Variants in NSUN5 observed in about 807,000 individuals in gnomAD.
The protein encoded by NSUN5 is NOP2/Sun RNA methyltransferase 5, also known as 28S rRNA (cytosine-C(5))-methyltransferase.
In NSUN5, 39 loss-of-function variants were observed where a neutral mutation model predicts 51.1. The ratio of observed to expected loss-of-function variants is 0.76; its 90% CI spans 0.59 to 1.00. The LOEUF (loss-of-function observed/expected upper bound fraction) is 1.00, where lower values mean the gene tolerates loss of function less well. Among genes scored for constraint, NSUN5 ranks in the 50% least tolerant of loss-of-function variants. The probability of loss-of-function intolerance (pLI) is 0.00; values close to 1 mark genes in which losing one functional copy is unlikely to be tolerated. For missense variants in NSUN5, 526 were observed against 614.0 expected, an observed-to-expected ratio of 0.86 and a Z score of 1.51; for synonymous variants, 266 against 271.5, an observed-to-expected ratio of 0.98 and a Z score of 0.20.
rs1362867416 is a variant in NSUN5 at position 73,308,513 on chromosome 7, C to G, written c.134G>C (p.Arg45Pro). Reference protein sequence around the residue: ...QLYALVCETQRYSAVLDAVIA... With the variant: ...QLYALVCETQPYSAVLDAVIA... Reference sequence around the variant, plus strand: ...CACAGCATCCAGCACGGCGGAGTAGCGCTGCGTTTCGCACACCAGCGCGTA... The same window carrying G: ...CACAGCATCCAGCACGGCGGAGTAGGGCTGCGTTTCGCACACCAGCGCGTA... Residue 45 changes from arginine (R) to proline (P), a missense_variant, in exon 2 of 10, where the codon CGC (arginine) becomes CCC (proline). Physicochemically the swap from Arg to Pro is moderately radical, Grantham distance 103. Transcript: ENST00000438747. 1 of 1,604,216 alleles carries G rather than the reference C, an allele frequency of 6.2e-7. No homozygotes were observed. Among genetic ancestry groups the G allele is most frequent in the Admixed American group, 1.7e-5 (1 of 59,858 alleles).
At chr7:73,308,588 TC>T in intron 1 of NSUN5, 35 bp from the exon 2 acceptor site, 2 of 1,588,748 alleles carry the variant, frequency 1.3e-6, no homozygotes, top group South Asian at 2.2e-5. Flanking sequence ...GGGTGGGGGC[TC>T]CCCCGGCCCT....
At position 73,303,070 on chromosome 7, in the gene NSUN5, T is replaced by G; in HGVS notation, c.*345A>C. 1.1e-5 allele frequency: 15 copies of G among 1,371,486 alleles called. No individual in the cohort carries two copies. The highest frequency in any genetic ancestry group is 1.4e-5 in the Non-Finnish European group (15 of 1,061,604). The allele number at this position is 1,371,486 out of a possible 1,614,324, so 85.0% of individuals were successfully genotyped here. The stretch of plus-strand genomic sequence containing the variant: ...CGGGAACCCTGAGTGAGTGTGAGTG[T>G]GGATGTGTACAGTACACGCACTGGA... On this transcript the variant is annotated 3_prime_UTR_variant, in exon 10 of 10. Transcript: ENST00000438747.
Position 73,308,649 on chromosome 7 carries a change from C to G in NSUN5, c.93+49G>C, listed in dbSNP as rs1328929475. The G allele has an allele frequency of 3.1e-6, 5 of 1,591,742 alleles. No individual in the cohort carries two copies. In the Admixed American group the frequency reaches 6.7e-5, roughly 21 times the overall value. On this transcript the variant is annotated intron_variant, in intron 1 of 9. Transcript: ENST00000438747. Reference sequence around the variant, plus strand: ...CCCACCCGGGCCCGTCCGACCCCACCCCGGGTTCCTCACTCCCCACCCCTA... The same window carrying G: ...CCCACCCGGGCCCGTCCGACCCCACGCCGGGTTCCTCACTCCCCACCCCTA...
rs1554541937 is a variant in NSUN5 at position 73,307,391 on chromosome 7, C to G, written c.500+3G>C. ...GAGGACAGCCAGGGCTCTAAGCTCT[C>G]ACCTGGAAGCCCGACCCTGATAGGA... On this transcript the variant is annotated splice_donor_region_variant and intron_variant, in intron 4 of 9. Coordinates refer to ENST00000438747, the MANE Select transcript of NSUN5 (RefSeq NM_148956.4). 1 of 1,610,238 alleles carries G rather than the reference C, an allele frequency of 6.2e-7. No homozygotes were observed. The highest frequency in any genetic ancestry group is 1.7e-5 in the Admixed American group (1 of 60,012).
intron 2 of NSUN5, chr7:73,308,023 A>G: frequency 2.0e-6 from 1 of 490,420 alleles, no homozygotes; most frequent in East Asian, 3.4e-5. Flanking sequence ...TGCCAACATT[A>G]CCCTTTCGTG....
chr7:73,305,462 C>CTTT (rs782168515), intron 4 of NSUN5, among the ~76,000 whole-genome samples: 14 of 132,128 alleles, frequency 1.1e-4, no homozygotes, highest in South Asian at 4.9e-4. Flanking sequence ...AAAAAGTTTA[C>CTTT]TTTTTTTTTT....
chr7:73,306,572 C>T (rs532986839), intron 4 of NSUN5, among the ~76,000 whole-genome samples: 1 of 151,836 alleles, frequency 6.6e-6, no homozygotes, highest in South Asian at 2.1e-4. Context: ...AGGCAGTGTC[C>T]GAGGGGCTGA....
intron 7 of NSUN5, 68 bp downstream of exon 7, chr7:73,304,162 C>T (rs2115634066): frequency 6.4e-7 from 1 of 1,557,442 alleles, no homozygotes; most frequent in East Asian, 2.3e-5. Context: ...AAGACCAAAA[C>T]AAATGACTCC....
intron 1 of NSUN5, 50 bp downstream of exon 1, chr7:73,308,648 C>G: frequency 1.3e-6 from 2 of 1,590,764 alleles, no homozygotes; most frequent in African/African-American, 1.3e-5. Flanking sequence ...TCCGACCCCA[C>G]CCCGGGTTCC....
intron 6 of NSUN5, 73 bp downstream of exon 6, chr7:73,304,674 T>C: frequency 7.8e-7 from 1 of 1,274,178 alleles, no homozygotes; most frequent in Non-Finnish European, 1.1e-6. Context: ...AAAGTCATCC[T>C]TTCAGCCTTC....
rs782749086 is a variant in NSUN5, at chr7:73,304,050, T to C, written c.935-14A>G. The C allele has an allele frequency of 3.1e-6, 5 of 1,613,142 alleles. No homozygotes were observed. Among genetic ancestry groups the C allele is most frequent in the Non-Finnish European group, 3.4e-6 (4 of 1,179,336 alleles). ...TGCTCGGCATACCTAAGGAAAAGAG[T>C]GTCTCTGTTACATAGCTTCACAGGC... On this transcript the variant is annotated splice_polypyrimidine_tract_variant and intron_variant, in intron 7 of 9. Coordinates refer to ENST00000438747, the MANE Select transcript of NSUN5 (RefSeq NM_148956.4).
At position 73,303,036 on chromosome 7, in the gene NSUN5, C is replaced by T. The variant is rs1563287176; in HGVS notation, c.*379G>A. ...GTTTACCTCAGTTCCGCAGGCAGGA[C>T]AGCCGGTCCGGGAACCCTGAGTGAG... On this transcript the variant is annotated 3_prime_UTR_variant, in exon 10 of 10. Coordinates refer to ENST00000438747, the MANE Select transcript of NSUN5 (RefSeq NM_148956.4). 1 of 1,308,074 alleles carries T rather than the reference C, an allele frequency of 7.6e-7. No homozygotes were observed. The highest frequency in any genetic ancestry group is 9.8e-7 in the Non-Finnish European group (1 of 1,023,266). 81.0% of individuals were successfully genotyped at this position (1,308,074 alleles called of 1,614,324 possible).
At chr7:73,306,313 G>A (rs1230667494) in intron 4 of NSUN5, among the ~76,000 whole-genome samples, 1 of 146,930 alleles carries the variant, frequency 6.8e-6, no homozygotes, top group Non-Finnish European at 1.5e-5. Flanking sequence ...GAACCCAGGA[G>A]GCAGAGGTTG....
chr7:73,308,308 G>T (rs1322708943), intron 2 of NSUN5, 123 bp downstream of exon 2: 12 of 1,224,894 alleles, frequency 9.8e-6, no homozygotes, highest in East Asian at 7.4e-5. Flanking sequence ...AGGGAAGGTC[G>T]GCTCATACTC....
chr7:73,306,716 C>T (rs1804055004), intron 4 of NSUN5, among the ~76,000 whole-genome samples: 1 of 152,130 alleles, frequency 6.6e-6, no homozygotes, highest in South Asian at 2.1e-4. Context: ...CTCATCTCTA[C>T]TGCAAATACA....
rs1554540858 is a variant in NSUN5, at chr7:73,302,908, T to C, written c.*507A>G. 7 of 1,044,428 alleles carry C rather than the reference T, an allele frequency of 6.7e-6. No individual in the cohort carries two copies. The highest frequency in any genetic ancestry group is 1.7e-5 in the African/African-American group (1 of 59,976). The allele number at this position is 1,044,428 out of a possible 1,614,324, so 64.7% of individuals were successfully genotyped here. On this transcript the variant is annotated 3_prime_UTR_variant, in exon 10 of 10. Transcript: ENST00000438747. ...GGAGGGAGTGAACCTCAAGCCTAAA[T>C]ACCTGTTAGGATTGGAGGGTCTGGG...
At position 73,307,421 on chromosome 7, in the gene NSUN5, C is replaced by G. The variant is rs782819316; in HGVS notation, c.473G>C (p.Gly158Ala). ...DDVVDYFKRQ[G>A]FSYQGRASSL... ...GGAAGCCCGACCCTGATAGGAGAAA[C>G]CTTGTCTCTTGAAATAATCAACTAC... Residue 158 changes from glycine to alanine, a missense_variant, in exon 4 of 10, where the codon GGT (glycine) becomes GCT (alanine). Transcript: ENST00000438747. 6.2e-7 allele frequency: 1 copy of G among 1,614,130 alleles called. No individual in the cohort carries two copies. The highest frequency in any genetic ancestry group is 8.5e-7 in the Non-Finnish European group (1 of 1,180,002).
chr7:73,304,778 T>C lies in NSUN5; in HGVS notation c.724A>G (p.Ser242Gly), dbSNP rs781794087. 1 of 1,613,760 alleles carries C rather than the reference T, an allele frequency of 6.2e-7. No homozygotes were observed. The highest frequency in any genetic ancestry group is 8.5e-7 in the Non-Finnish European group (1 of 1,179,754). ...DACAAPGNKT[S>G]HLAALLKNQG... ...TTCTTCAGAAGAGCAGCCAAGTGACTGGTCTTATTGCCTGGGGCGGCACAG... is the reference window on the plus strand; with the variant it reads ...TTCTTCAGAAGAGCAGCCAAGTGACCGGTCTTATTGCCTGGGGCGGCACAG... The change falls in exon 6 of 10, where the codon AGT becomes GGT. Residue 242 changes from serine (S) to glycine (G), a missense_variant. Transcript: ENST00000438747.
In NSUN5 at chr7:73,307,414, G is replaced by T; in HGVS notation, c.480C>A (p.Ser160=). 1 of 1,614,034 alleles carries T rather than the reference G, an allele frequency of 6.2e-7. No homozygotes were observed. The highest frequency in any genetic ancestry group is 1.1e-5 in the South Asian group (1 of 91,066). ...VVDYFKRQGF[S]YQGRASSLDD... ...CTCACCTGGAAGCCCGACCCTGATA[G>T]GAGAAACCTTGTCTCTTGAAATAAT... Residue 160 remains serine, a synonymous_variant, in exon 4 of 10, where the codon TCC becomes TCA. Coordinates refer to ENST00000438747, the MANE Select transcript of NSUN5 (RefSeq NM_148956.4).
Sources: gnomAD v4.1 joint callset for allele counts (sites outside exome capture counted in the v4.1 genomes callset) on GRCh38, gnomAD v4.1.1 for gene constraint, MANE v1.5 for transcripts, NCBI Gene and HGNC (gene_info 2026-07-23, HGNC 2026-07-21) for gene names.